Variants in CPAMD8 observed in about 807,000 individuals in gnomAD.
The protein encoded by CPAMD8 is C3 and PZP-like alpha-2-macroglobulin domain-containing protein 8.
CPAMD8 carries 146 observed loss-of-function variants against 224.7 expected under a neutral mutation model. The ratio of observed to expected loss-of-function variants is 0.65; its 90% CI spans 0.57 to 0.75. CPAMD8 has a LOEUF of 0.75. Among genes scored for constraint, CPAMD8 ranks in the 30% least tolerant of loss-of-function variants. The pLI, the probability that CPAMD8 is intolerant of heterozygous loss-of-function variation, is 0.00. For missense variants in CPAMD8, 2,301 were observed against 2,537.5 expected (o/e 0.91, Z 2.00); for synonymous variants, 966 against 1,044.6 (o/e 0.92, Z 1.45).
intron 1 of CPAMD8, among the ~76,000 whole-genome samples, chr19:17,024,928 C>T (rs925452913): frequency 3.1e-4 from 47 of 152,334 alleles, no homozygotes; most frequent in African/African-American, 6.7e-4. Flanking sequence ...ATTCCTAAGA[C>T]GAGATCCTTT....
At chr19:17,018,245 C>G (rs906902000) in intron 3 of CPAMD8, among the ~76,000 whole-genome samples, 1 of 152,066 alleles carries the variant, frequency 6.6e-6, no homozygotes, top group Non-Finnish European at 1.5e-5. Flanking sequence ...CCCCAAATGC[C>G]GCAATTCCAG....
intron 18 of CPAMD8, among the ~76,000 whole-genome samples, chr19:16,970,098 G>C (rs569026474): frequency 2.0e-5 from 3 of 148,958 alleles, no homozygotes; most frequent in Non-Finnish European, 4.5e-5. Flanking sequence ...AAAAATTAGC[G>C]GGGTGTGGCG....
intron 13 of CPAMD8, among the ~76,000 whole-genome samples, chr19:16,985,759 G>A (rs2122830890): frequency 6.6e-6 from 1 of 151,170 alleles, no homozygotes; most frequent in Admixed American, 6.6e-5. Flanking sequence ...GAGGGAGGGA[G>A]GAAGGGTGAA....
At chr19:17,009,225 C>T (rs554380235) in intron 6 of CPAMD8, 78 bp downstream of exon 6, 21 of 1,611,548 alleles carry the variant, frequency 1.3e-5, no homozygotes, top group Admixed American at 5.0e-5. Context: ...AGACAGTGAG[C>T]GAAGACAGAC....
At chr19:16,991,134 T>G (rs1423658076) in intron 12 of CPAMD8, among the ~76,000 whole-genome samples, 1 of 152,082 alleles carries the variant, frequency 6.6e-6, no homozygotes, top group Non-Finnish European at 1.5e-5. Flanking sequence ...AAAGCTCAGG[T>G]GAGCTTTCCT....
chr19:16,951,930 C>G (rs1282494770), intron 20 of CPAMD8, 39 bp downstream of exon 20: 2 of 1,301,622 alleles, frequency 1.5e-6, no homozygotes, highest in Middle Eastern at 1.8e-4. Context: ...CAACTCCCCA[C>G]TGAATGGAGG....
intron 18 of CPAMD8, among the ~76,000 whole-genome samples, chr19:16,958,281 C>T (rs1568528724): frequency 6.6e-6 from 1 of 152,072 alleles, no homozygotes; most frequent in African/African-American, 2.4e-5. Context: ...CTTCCCATCC[C>T]CCATCCTCAA....
chr19:16,975,491 G>A (rs2055231230), intron 16 of CPAMD8, among the ~76,000 whole-genome samples: 1 of 152,066 alleles, frequency 6.6e-6, no homozygotes, highest in South Asian at 2.1e-4. Context: ...AGGCTGGCTT[G>A]TGCAAAGGAG....
intron 3 of CPAMD8, among the ~76,000 whole-genome samples, chr19:17,014,108 A>G (rs918544095): frequency 4.6e-5 from 7 of 150,964 alleles, no homozygotes; most frequent in Non-Finnish European, 8.9e-5. Context: ...CTGGAGTCCA[A>G]TGGTGCGATC....
chr19:17,003,638 T>G (rs2056399366), intron 8 of CPAMD8, among the ~76,000 whole-genome samples: 1 of 151,196 alleles, frequency 6.6e-6, no homozygotes, highest in South Asian at 2.1e-4. Flanking sequence ...ATTAACCAGG[T>G]GTGGTGGCTC....
intron 5 of CPAMD8, 73 bp from the exon 6 acceptor site, chr19:17,009,393 G>T: frequency 1.2e-6 from 2 of 1,611,536 alleles, no homozygotes; most frequent in Non-Finnish European, 1.7e-6. Flanking sequence ...GCTCATGCAT[G>T]GCCTCGGTCC....
intron 6 of CPAMD8, 96 bp from the exon 7 acceptor site, chr19:17,008,655 A>G: frequency 7.5e-7 from 1 of 1,324,580 alleles, no homozygotes; most frequent in East Asian, 2.3e-5. Context: ...TCTCTTGGGC[A>G]TGTCAACCAT....
chr19:17,011,151 T>C (rs914313677), intron 5 of CPAMD8, among the ~76,000 whole-genome samples: 1 of 151,792 alleles, frequency 6.6e-6, no homozygotes, highest in Non-Finnish European at 1.5e-5. Flanking sequence ...GCCGAGATAG[T>C]GCCACTGCAC....
At chr19:16,977,283 G>T in intron 15 of CPAMD8, 85 bp downstream of exon 15, 2 of 822,630 alleles carry the variant, frequency 2.4e-6, no homozygotes, top group African/African-American at 1.7e-5. Context: ...ATGAGTCTCA[G>T]GTGTGCACAG....
chr19:16,893,219 C>A lies in CPAMD8; in HGVS notation c.5547G>T (p.Val1849=), dbSNP rs748506317. The A allele has an allele frequency of 6.3e-7, 1 of 1,590,252 alleles. No individual in the cohort carries two copies. Among genetic ancestry groups the A allele is most frequent in the South Asian group, 1.1e-5 (1 of 88,126 alleles). The change falls in exon 42 of 42, where the codon GTG becomes GTT. Residue 1849 remains valine (V), a synonymous_variant. Transcript: ENST00000443236. ...TPAPQRHSGR[V]VGAHRPGLLS... ...GAAGCCCTGGCCTGTGGGCCCCCAC[C>A]ACCCGGCCACTATGTCTCTGAGGGG... is the stretch of plus-strand genomic sequence containing the variant.
At chr19:16,978,990 A>C (rs1445141283) in intron 14 of CPAMD8, among the ~76,000 whole-genome samples, 1 of 147,452 alleles carries the variant, frequency 6.8e-6, no homozygotes, top group East Asian at 2.0e-4. Context: ...CCAATCATCT[A>C]TCCATCTGTT....
chr19:17,022,659 C>T lies in CPAMD8; in HGVS notation c.93-478G>A, dbSNP rs558591845. Among the ~76,000 whole-genome samples the T allele has an allele frequency of 1.1e-4, 16 of 152,094 alleles. No homozygotes were observed. The South Asian group carries it at 1.9e-3, about 18-fold the overall frequency. ...GATTATAGGTGCCTGCCACCACGGC[C>T]GGCTAATTTTTGTCTTTTTAGTAGA... On this transcript the variant is annotated intron_variant, in intron 1 of 41. Transcript: ENST00000443236.
At chr19:17,026,191 A>T (rs1181033193) in intron 1 of CPAMD8, among the ~76,000 whole-genome samples, 3 of 152,146 alleles carry the variant, frequency 2.0e-5, no homozygotes, top group Admixed American at 2.0e-4. Context: ...CACCCACGGG[A>T]AAGTGCCCCT....
In CPAMD8 at chr19:16,951,967, A is replaced by G. The variant is rs1463391143; in HGVS notation, c.2508+2T>C. On this transcript the variant is annotated splice_donor_variant, in intron 20 of 41. Coordinates refer to ENST00000443236, the MANE Select transcript of CPAMD8 (RefSeq NM_015692.5). LOFTEE classifies it high-confidence loss of function. ...AGGCTATGTATTTGGGGGGCTGAGT[A>G]CCTCAGCGCAGGTGCCCATGTAGTT... 7 of 1,530,300 alleles carry G rather than the reference A, an allele frequency of 4.6e-6. No individual in the cohort carries two copies. Among genetic ancestry groups the G allele is most frequent in the Non-Finnish European group, 5.3e-6 (6 of 1,123,640 alleles). 94.8% of individuals were successfully genotyped at this position (1,530,300 alleles called of 1,614,324 possible).
Sources: gnomAD v4.1 joint callset for allele counts (sites outside exome capture counted in the v4.1 genomes callset) on GRCh38, gnomAD v4.1.1 for gene constraint, MANE v1.5 for transcripts, NCBI Gene and HGNC (gene_info 2026-07-23, HGNC 2026-07-21) for gene names.